The following ELMO1 variants were observed in gnomAD, a reference collection of about 807,000 sequenced individuals.
ELMO1 encodes the protein engulfment and cell motility protein 1.
Under a neutral mutation model 98.9 loss-of-function variants are expected in ELMO1, and 26 were observed. The ratio of observed to expected loss-of-function variants is 0.26; its 90% CI spans 0.19 to 0.36. ELMO1 has a LOEUF of 0.36. Among genes scored for constraint, ELMO1 ranks in the 10% least tolerant of loss-of-function variants. The pLI, the probability that ELMO1 is intolerant of heterozygous loss-of-function variation, is 1.00. For missense variants in ELMO1, 627 were observed against 935.2 expected (o/e 0.67, Z 4.30); for synonymous variants, 346 against 346.0 (o/e 1.00, Z 0.00).
chr7:37,169,501 AT>A (rs1383255385), intron 13 of ELMO1, among the ~76,000 whole-genome samples: 1 of 152,084 alleles, frequency 6.6e-6, no homozygotes, highest in Non-Finnish European at 1.5e-5. Context: ...CTGGGAAAAA[AT>A]TTTTTTAACC....
At chr7:37,024,248 C>T (rs1794445452) in intron 15 of ELMO1, among the ~76,000 whole-genome samples, 1 of 152,186 alleles carries the variant, frequency 6.6e-6, no homozygotes, top group Non-Finnish European at 1.5e-5. Flanking sequence ...TGACCTTGAG[C>T]TCATGAGCAA....
chr7:36,977,148 C>A (rs181779120), intron 16 of ELMO1, among the ~76,000 whole-genome samples: 1 of 152,266 alleles, frequency 6.6e-6, no homozygotes, highest in East Asian at 1.9e-4. Context: ...TTGGAGTCTC[C>A]CTGAGTCTGG....
intron 14 of ELMO1, among the ~76,000 whole-genome samples, chr7:37,101,007 G>A (rs544408916): frequency 1.6e-4 from 24 of 152,330 alleles, no homozygotes; most frequent in African/African-American, 5.5e-4. Flanking sequence ...CAGAGAGTTC[G>A]TGTTTTTATC....
chr7:37,224,598 C>A (rs1793766469), intron 9 of ELMO1, among the ~76,000 whole-genome samples: 1 of 152,128 alleles, frequency 6.6e-6, no homozygotes, highest in Non-Finnish European at 1.5e-5. Flanking sequence ...AAGTAAAACT[C>A]TGCCAATATC....
intron 1 of ELMO1, among the ~76,000 whole-genome samples, chr7:37,347,238 T>C (rs1801050423): frequency 6.6e-6 from 1 of 152,220 alleles, no homozygotes. Flanking sequence ...ATATAATCAC[T>C]GTTACTTCTG....
intron 19 of ELMO1, 127 bp downstream of exon 19, chr7:36,877,883 G>T: frequency 1.4e-6 from 1 of 691,574 alleles, no homozygotes. Flanking sequence ...CTCAGGCGAC[G>T]ACTTACAACT....
intron 1 of ELMO1, among the ~76,000 whole-genome samples, chr7:37,398,329 A>C (rs1312207308): frequency 2.0e-5 from 3 of 152,212 alleles, no homozygotes; most frequent in African/African-American, 7.2e-5. Flanking sequence ...AAAAACATCA[A>C]AGTTTCCTTC....
intron 14 of ELMO1, among the ~76,000 whole-genome samples, chr7:37,127,449 C>A (rs1418236480): frequency 6.6e-6 from 1 of 152,178 alleles, no homozygotes; most frequent in African/African-American, 2.4e-5. Flanking sequence ...CTGGAAGAAG[C>A]CTGAGATTTG....
chr7:37,344,799 G>A (rs1023263017), intron 1 of ELMO1, among the ~76,000 whole-genome samples: 2 of 152,204 alleles, frequency 1.3e-5, no homozygotes, highest in Non-Finnish European at 2.9e-5. Flanking sequence ...AACATAAAGA[G>A]GAAAAGACAC....
intron 1 of ELMO1, among the ~76,000 whole-genome samples, chr7:37,432,931 A>G (rs1804990664): frequency 6.6e-6 from 1 of 152,260 alleles, no homozygotes; most frequent in Admixed American, 6.5e-5. Flanking sequence ...ACTTCTGCAG[A>G]GAGTAATGCA....
chr7:37,103,772 G>A (rs1157454276), intron 14 of ELMO1, among the ~76,000 whole-genome samples: 10 of 151,606 alleles, frequency 6.6e-5, no homozygotes, highest in Admixed American at 4.6e-4. Flanking sequence ...CGAGGCAGGC[G>A]GATCATGAGG....
At chr7:37,168,158 C>A (rs186219674) in intron 13 of ELMO1, among the ~76,000 whole-genome samples, 1 of 152,160 alleles carries the variant, frequency 6.6e-6, no homozygotes, top group Non-Finnish European at 1.5e-5. Context: ...GCATTCTTCA[C>A]GTAGTTCTCA....
At chr7:37,048,519 CA>C (rs1562921402) in intron 15 of ELMO1, among the ~76,000 whole-genome samples, 1 of 152,180 alleles carries the variant, frequency 6.6e-6, no homozygotes, top group Non-Finnish European at 1.5e-5. Flanking sequence ...TCCTTGGTAC[CA>C]GAGAGTAGAA....
chr7:37,379,047 T>G (rs1178251747), intron 1 of ELMO1, among the ~76,000 whole-genome samples: 1 of 80,146 alleles, frequency 1.2e-5, no homozygotes, highest in African/African-American at 4.1e-5. Context: ...ATTCTTCTTC[T>G]TTTTTTTTTT....
At chr7:37,347,984 C>A (rs1283530729) in intron 1 of ELMO1, among the ~76,000 whole-genome samples, 3 of 152,200 alleles carry the variant, frequency 2.0e-5, no homozygotes, top group African/African-American at 7.2e-5. Flanking sequence ...CAGCATAACT[C>A]TGGGGTTACT....
intron 16 of ELMO1, among the ~76,000 whole-genome samples, chr7:36,922,899 T>C (rs1355302963): frequency 1.3e-5 from 2 of 152,224 alleles, no homozygotes; most frequent in African/African-American, 2.4e-5. Flanking sequence ...ATGCACCTCC[T>C]GTCTTTCTTA....
chr7:37,204,392 A>G (rs1033172616), intron 13 of ELMO1: 7 of 357,450 alleles, frequency 2.0e-5, no homozygotes, highest in Admixed American at 7.3e-5. Context: ...CAGTTCATAA[A>G]GGCGGCATGT....
chr7:37,373,542 G>A (rs1802203053), intron 1 of ELMO1, among the ~76,000 whole-genome samples: 1 of 151,982 alleles, frequency 6.6e-6, no homozygotes, highest in South Asian at 2.1e-4. Context: ...CCAGGAGGTG[G>A]GGGTTGTGGT....
chr7:37,154,282 C>G (rs1019773298), intron 13 of ELMO1, among the ~76,000 whole-genome samples: 4 of 152,160 alleles, frequency 2.6e-5, no homozygotes, highest in Admixed American at 2.6e-4. Context: ...AGCTCCTCTC[C>G]AGCAAGGGAA....
Sources: gnomAD v4.1 joint callset for allele counts (sites outside exome capture counted in the v4.1 genomes callset) on GRCh38, gnomAD v4.1.1 for gene constraint, MANE v1.5 for transcripts, NCBI Gene and HGNC (gene_info 2026-07-23, HGNC 2026-07-21) for gene names.